MAP2K5: variants seen among roughly 807,000 people sequenced by gnomAD.
The protein encoded by MAP2K5 is dual specificity mitogen-activated protein kinase kinase 5.
In MAP2K5, 49 loss-of-function variants were observed where a neutral mutation model predicts 83.1. That is an observed-to-expected ratio of 0.59 (90% CI 0.47 to 0.75). MAP2K5 has a LOEUF of 0.75. MAP2K5 is among the 30% of genes least tolerant of loss of function. The probability of loss-of-function intolerance (pLI) is 0.00; values close to 1 mark genes in which losing one functional copy is unlikely to be tolerated. For synonymous variants in MAP2K5, 202 were observed against 191.8 expected (o/e 1.05, Z -0.44); for missense variants, 457 against 557.5 (o/e 0.82, Z 1.82).
intron 17 of MAP2K5, among the ~76,000 whole-genome samples, chr15:67,732,624 A>G (rs549365501): frequency 3.3e-5 from 5 of 152,176 alleles, no homozygotes; most frequent in South Asian, 2.1e-4. Context: ...TTCACACCCC[A>G]TTAATTTATT....
intron 7 of MAP2K5, 59 bp from the exon 8 acceptor site, chr15:67,600,626 C>T (rs12437936): frequency 2.1e-6 from 3 of 1,400,678 alleles, no homozygotes; most frequent in African/African-American, 2.9e-5. Flanking sequence ...AGTTGCTTTT[C>T]CTTGACATTT....
At chr15:67,733,566 G>A (rs1250980482) in intron 17 of MAP2K5, among the ~76,000 whole-genome samples, 6 of 152,106 alleles carry the variant, frequency 3.9e-5, no homozygotes, top group Non-Finnish European at 7.4e-5. Flanking sequence ...GTAAAAGGAA[G>A]GTCTGAATCT....
At chr15:67,617,246 C>T (rs2086075230) in intron 8 of MAP2K5, among the ~76,000 whole-genome samples, 1 of 152,186 alleles carries the variant, frequency 6.6e-6, no homozygotes, top group African/African-American at 2.4e-5. Context: ...CAGCCTCCCC[C>T]ATTCTTTCTT....
At chr15:67,617,614 G>A (rs2086082902) in intron 8 of MAP2K5, among the ~76,000 whole-genome samples, 1 of 152,160 alleles carries the variant, frequency 6.6e-6, no homozygotes, top group South Asian at 2.1e-4. Flanking sequence ...CCAGATGTTG[G>A]AATGTGAACA....
In MAP2K5 at chr15:67,555,139, A is replaced by G. The variant is rs1205026977; in HGVS notation, c.184+5057A>G. 6.6e-6 allele frequency among the ~76,000 whole-genome samples: 1 copy of G among 152,198 alleles called. No homozygotes were observed. ...TTTTCTTATTAAAAGGACCTCTTTT[A>G]GGTCCTTATTCTCCATTACATCTAG... On this transcript the variant is annotated intron_variant, in intron 2 of 21. Transcript: ENST00000178640. The surrounding 1 kb of genome is among the most constrained non-coding windows in gnomAD (Gnocchi z 5.2).
rs2090281771 is a variant in MAP2K5 at position 67,778,929 on chromosome 15, T to G, written c.1242+6177T>G. On this transcript the variant is annotated intron_variant, in intron 21 of 21. Transcript: ENST00000178640. This position sits in a 1 kb window ranked among gnomAD's most constrained non-coding sequence, Gnocchi z 5.0. ...TAATGATGGTTAATAAATTGTGAAC[T>G]TGGATGTAGTTCACTACAGTTAGGT... Among the ~76,000 whole-genome samples, 1 of 152,198 alleles carries G rather than the reference T, an allele frequency of 6.6e-6. No homozygotes were observed. The highest frequency in any genetic ancestry group is 2.1e-4 in the South Asian group (1 of 4,824).
rs1180585369 is a variant in MAP2K5, at chr15:67,637,813, G to C, written c.585+6886G>C. On this transcript the variant is annotated intron_variant, in intron 9 of 21. Coordinates refer to ENST00000178640, the MANE Select transcript of MAP2K5 (RefSeq NM_145160.3). This position sits in a 1 kb window ranked among gnomAD's most constrained non-coding sequence, Gnocchi z 4.5. ...CTGAGGCCTGGGAACTCTCTGGTCA[G>C]CAAGCTGGGCAATCATAGGGCTCAT... Among the ~76,000 whole-genome samples the C allele has an allele frequency of 6.6e-6, 1 of 152,026 alleles. No individual in the cohort carries two copies. The highest frequency in any genetic ancestry group is 2.4e-5 in the African/African-American group (1 of 41,380).
rs542215761 is a variant in MAP2K5 at position 67,782,973 on chromosome 15, G to A, written c.1242+10221G>A. Among the ~76,000 whole-genome samples the A allele has an allele frequency of 3.1e-4, 47 of 152,374 alleles. No individual in the cohort carries two copies. The South Asian group carries it at 5.0e-3, about 16-fold the overall frequency. ...TCATCTGGAAAGTGGGTTAAGCACC[G>A]AAGGAAGGTGTAAGGATGGCTTTTA... On this transcript the variant is annotated intron_variant, in intron 21 of 21. Transcript: ENST00000178640. The surrounding 1 kb of genome is among the most constrained non-coding windows in gnomAD (Gnocchi z 4.9).
rs1046895376 is a variant in MAP2K5 at position 67,764,627 on chromosome 15, G to T, written c.1135-4975G>T. On this transcript the variant is annotated intron_variant, in intron 19 of 21. Coordinates refer to ENST00000178640, the MANE Select transcript of MAP2K5 (RefSeq NM_145160.3). The surrounding 1 kb of genome is among the most constrained non-coding windows in gnomAD (Gnocchi z 4.9). ...CATTCCACAATGCCAGGCTCATTGC[G>T]TTCCACATGGTAGATGCCCACAAAA... Among the ~76,000 whole-genome samples, 1 of 152,164 alleles carries T rather than the reference G, an allele frequency of 6.6e-6. No homozygotes were observed. Among genetic ancestry groups the T allele is most frequent in the African/African-American group, 2.4e-5 (1 of 41,434 alleles).
intron 1 of MAP2K5, among the ~76,000 whole-genome samples, chr15:67,544,010 A>C (rs967770002): frequency 6.6e-6 from 1 of 152,232 alleles, no homozygotes; most frequent in Admixed American, 6.5e-5. Flanking sequence ...TCCTGGGCTC[A>C]AGCGATTCTC....
At chr15:67,599,267 A>G (rs1401422353) in intron 7 of MAP2K5, among the ~76,000 whole-genome samples, 1 of 152,210 alleles carries the variant, frequency 6.6e-6, no homozygotes, top group Non-Finnish European at 1.5e-5. Flanking sequence ...TTGTTCTGGC[A>G]TGTCTTTCAT....
At chr15:67,685,392 A>G (rs890724596) in intron 13 of MAP2K5, among the ~76,000 whole-genome samples, 6 of 152,236 alleles carry the variant, frequency 3.9e-5, no homozygotes, top group Non-Finnish European at 8.8e-5. Context: ...AGACTTTTTC[A>G]GATGAATATG....
intron 9 of MAP2K5, chr15:67,642,332 T>G: frequency 9.9e-7 from 1 of 1,006,390 alleles, no homozygotes; most frequent in Middle Eastern, 2.2e-4. Flanking sequence ...TGTGGAGTGC[T>G]GGGGGGGATA....
intron 21 of MAP2K5, among the ~76,000 whole-genome samples, chr15:67,797,887 T>C (rs1409785110): frequency 6.6e-6 from 1 of 152,178 alleles, no homozygotes. Flanking sequence ...TTCACCGTAT[T>C]GGTCAGGCTG....
intron 21 of MAP2K5, among the ~76,000 whole-genome samples, chr15:67,804,275 G>A (rs907094612): frequency 2.0e-5 from 3 of 152,208 alleles, no homozygotes; most frequent in Non-Finnish European, 4.4e-5. Context: ...AGCCTAGGAC[G>A]CTGGGTCCCC....
At position 67,748,416 on chromosome 15, in the gene MAP2K5, T is replaced by G. The variant is rs1342891069; in HGVS notation, c.1102-153T>G. 1 of 825,752 alleles carries G rather than the reference T, an allele frequency of 1.2e-6. No homozygotes were observed. Among genetic ancestry groups the G allele is most frequent in the African/African-American group, 1.7e-5 (1 of 58,400 alleles). 51.2% of individuals were successfully genotyped at this position (825,752 alleles called of 1,614,324 possible). A position where few individuals can be genotyped will look rare whatever the true frequency, so the allele number is the denominator to read the frequency against. ...TTAGATTAGGTACCATTAGAAATAA[T>G]AGAACCTCCTGAGCATCAATGTTTT... On this transcript the variant is annotated intron_variant, in intron 18 of 21. Transcript: ENST00000178640. This position sits in a 1 kb window ranked among gnomAD's most constrained non-coding sequence, Gnocchi z 4.0.
At chr15:67,704,597 G>A (rs1257154052) in intron 16 of MAP2K5, among the ~76,000 whole-genome samples, 2 of 152,120 alleles carry the variant, frequency 1.3e-5, no homozygotes, top group East Asian at 1.9e-4. Flanking sequence ...AGTGTTGAAC[G>A]TTTATTAAAT....
intron 7 of MAP2K5, among the ~76,000 whole-genome samples, 185 bp downstream of exon 7, chr15:67,593,159 A>G (rs1217582601): frequency 5.3e-5 from 8 of 152,198 alleles, no homozygotes; most frequent in Admixed American, 4.6e-4. Context: ...AATGGGTTTC[A>G]CTCCCAGCAG....
intron 2 of MAP2K5, 22 bp downstream of exon 2, chr15:67,550,104 T>C (rs745898842): frequency 1.5e-5 from 24 of 1,606,954 alleles, no homozygotes; most frequent in Non-Finnish European, 2.0e-5. Context: ...TTGTATACTT[T>C]CTTGACTATT....
Sources: gnomAD v4.1 joint callset for allele counts (sites outside exome capture counted in the v4.1 genomes callset) on GRCh38, gnomAD v4.1.1 for gene constraint, Gnocchi (gnomAD v3.1) non-coding constraint, MANE v1.5 for transcripts, NCBI Gene and HGNC (gene_info 2026-07-23, HGNC 2026-07-21) for gene names.